TLK1: variants seen among roughly 807,000 people sequenced by gnomAD.
TLK1 encodes tousled like kinase 1.
In TLK1, 24 loss-of-function variants were observed where a neutral mutation model predicts 105.3. The observed-to-expected ratio is 0.23, with a 90% CI of 0.17 to 0.32. TLK1 has a LOEUF of 0.32. TLK1 is among the 10% of genes least tolerant of loss of function. The pLI, the probability that TLK1 is intolerant of heterozygous loss-of-function variation, is 1.00. For missense variants in TLK1, 558 were observed against 910.5 expected (o/e 0.61, Z 4.98); for synonymous variants, 321 against 310.4 (o/e 1.03, Z -0.36).
At chr2:171,112,710 G>A (rs1175723418) in intron 2 of TLK1, among the ~76,000 whole-genome samples, 1 of 152,032 alleles carries the variant, frequency 6.6e-6, no homozygotes, top group Non-Finnish European at 1.5e-5. Flanking sequence ...ACCAATAAAA[G>A]AGAACAGCAA....
chr2:171,198,304 T>C (rs1176155569), intron 1 of TLK1, among the ~76,000 whole-genome samples: 2 of 152,252 alleles, frequency 1.3e-5, no homozygotes, highest in Non-Finnish European at 2.9e-5. Flanking sequence ...TAATATTCTA[T>C]AAATGTGTCA....
In TLK1 at chr2:171,130,035, A is replaced by G. The variant is rs538940984; in HGVS notation, c.140-12178T>C. 2.6e-5 allele frequency among the ~76,000 whole-genome samples: 4 copies of G among 152,316 alleles called. No homozygotes were observed. In the East Asian group the frequency reaches 5.8e-4, roughly 22 times the overall value. On this transcript the variant is annotated intron_variant, in intron 1 of 20. Coordinates refer to ENST00000431350, the MANE Select transcript of TLK1 (RefSeq NM_012290.5). The stretch of plus-strand genomic sequence containing the variant: ...CAATACAGCCAGCTGTAAGGTTAAG[A>G]ACATGGGCTCTGTGGCCAGACTGCC...
intron 1 of TLK1, among the ~76,000 whole-genome samples, chr2:171,156,043 T>C (rs534394418): frequency 6.6e-6 from 1 of 152,348 alleles, no homozygotes; most frequent in East Asian, 1.9e-4. Flanking sequence ...CCTAGAGACA[T>C]TTTTGGAATA....
At chr2:171,196,214 T>C (rs2105317489) in intron 1 of TLK1, among the ~76,000 whole-genome samples, 1 of 151,720 alleles carries the variant, frequency 6.6e-6, no homozygotes, top group East Asian at 1.9e-4. Flanking sequence ...CCTCCCGGGT[T>C]CAAGTGATTC....
intron 1 of TLK1, among the ~76,000 whole-genome samples, chr2:171,149,656 A>C (rs1421125409): frequency 6.6e-6 from 1 of 152,222 alleles, no homozygotes. Context: ...CTGTAATCCC[A>C]ACACTTTGGG....
chr2:171,178,609 G>C (rs1362610704), intron 1 of TLK1, among the ~76,000 whole-genome samples: 1 of 152,160 alleles, frequency 6.6e-6, no homozygotes, highest in African/African-American at 2.4e-5. Flanking sequence ...CCAAAGCAAC[G>C]AAGACATATC....
At chr2:171,016,739 A>C (rs1217936859) in intron 12 of TLK1, among the ~76,000 whole-genome samples, 1 of 152,236 alleles carries the variant, frequency 6.6e-6, no homozygotes, top group Non-Finnish European at 1.5e-5. Flanking sequence ...ATTCAGAGGA[A>C]TATTTTAAGC....
intron 2 of TLK1, among the ~76,000 whole-genome samples, chr2:171,099,056 T>C (rs1689579666): frequency 6.6e-6 from 1 of 152,158 alleles, no homozygotes; most frequent in Admixed American, 6.5e-5. Flanking sequence ...CAACATTGTA[T>C]TGGATGTTCT....
rs1686958701 is a variant in TLK1 at position 171,046,270 on chromosome 2, T to A, written c.1073A>T (p.Gln358Leu). ...KRKPPTANNS[Q>L]APSTNSEPKQ... ...TGGTTCAGAATTGGTAGAGGGTGCC[T>A]GAGAATTATTAGCTGTGGGAGGTTT... is the stretch of plus-strand genomic sequence containing the variant. Residue 358 changes from glutamine to leucine, a missense_variant, in exon 11 of 21, where the codon CAG (glutamine) becomes CTG (leucine). Physicochemically the swap from Gln to Leu is moderately radical, Grantham distance 113 (BLOSUM62 -2). Coordinates refer to ENST00000431350, the MANE Select transcript of TLK1 (RefSeq NM_012290.5). 2 of 1,613,200 alleles carry A rather than the reference T, an allele frequency of 1.2e-6. No homozygotes were observed. The highest frequency in any genetic ancestry group is 8.5e-7 in the Non-Finnish European group (1 of 1,179,414).
chr2:171,183,463 T>C (rs1175811978), intron 1 of TLK1, among the ~76,000 whole-genome samples: 1 of 152,192 alleles, frequency 6.6e-6, no homozygotes, highest in African/African-American at 2.4e-5. Flanking sequence ...ATTTTTTCTT[T>C]TCTAAATCAT....
chr2:171,010,625 C>CA (rs77995237), intron 14 of TLK1, among the ~76,000 whole-genome samples: 4,467 of 94,404 alleles, frequency 0.047, 87 homozygotes, highest in Non-Finnish European at 0.056. Flanking sequence ...ACATAAAGTA[C>CA]AAAAAAAAAA....
chr2:171,012,183 T>C (rs1439889817), intron 13 of TLK1, among the ~76,000 whole-genome samples: 5 of 152,126 alleles, frequency 3.3e-5, no homozygotes, highest in Non-Finnish European at 7.4e-5. Context: ...GTCATGTCAG[T>C]GCTCAAAAAT....
chr2:171,153,800 T>C (rs1359180738), intron 1 of TLK1: 2 of 152,210 alleles, frequency 1.3e-5, no homozygotes, highest in Non-Finnish European at 2.9e-5. Flanking sequence ...ATATTATTAA[T>C]ATATTAATAA....
At chr2:171,186,659 A>C (rs1693030648) in intron 1 of TLK1, among the ~76,000 whole-genome samples, 1 of 152,204 alleles carries the variant, frequency 6.6e-6, no homozygotes. Context: ...AGAACACCTC[A>C]TCATACTTTG....
intron 1 of TLK1, among the ~76,000 whole-genome samples, chr2:171,215,436 C>A (rs1011574820): frequency 9.9e-6 from 1 of 100,538 alleles, no homozygotes; most frequent in Non-Finnish European, 2.2e-5. Flanking sequence ...GGAATCAAGT[C>A]TGCATTCAGG....
intron 2 of TLK1, among the ~76,000 whole-genome samples, chr2:171,096,020 A>T (rs1458565056): frequency 6.6e-6 from 1 of 152,168 alleles, no homozygotes; most frequent in African/African-American, 2.4e-5. Context: ...TACCCAGAGC[A>T]ATCAGGCTAA....
chr2:171,119,955 G>T (rs191475152), intron 1 of TLK1, among the ~76,000 whole-genome samples: 11 of 152,116 alleles, frequency 7.2e-5, no homozygotes, highest in Non-Finnish European at 1.5e-4. Flanking sequence ...GGCAACTAAA[G>T]AAAAAATAGG....
At chr2:171,191,436 G>A (rs1228477296) in intron 1 of TLK1, among the ~76,000 whole-genome samples, 2 of 151,910 alleles carry the variant, frequency 1.3e-5, no homozygotes, top group African/African-American at 4.8e-5. Context: ...AAAGTTAGCC[G>A]GGCATGGTAG....
chr2:171,173,726 A>C (rs1692770988), intron 1 of TLK1, among the ~76,000 whole-genome samples: 1 of 151,960 alleles, frequency 6.6e-6, no homozygotes, highest in Non-Finnish European at 1.5e-5. Flanking sequence ...TTCAGCCCAC[A>C]TCTTTCTCCT....
Sources: allele counts gnomAD v4.1 joint callset (sites outside exome capture counted in the v4.1 genomes callset), GRCh38; gene constraint gnomAD v4.1.1; transcripts MANE v1.5; gene names NCBI Gene and HGNC (gene_info 2026-07-23, HGNC 2026-07-21).